CRACD: variants seen among roughly 807,000 people sequenced by gnomAD.
The protein encoded by CRACD is capping protein-inhibiting regulator of actin dynamics.
In CRACD, 56 loss-of-function variants were observed where a neutral mutation model predicts 106.8. The observed-to-expected ratio is 0.52, with a 90% CI of 0.42 to 0.66. The LOEUF is 0.66. Ranked by LOEUF, CRACD falls within the 30% of genes least tolerant of loss-of-function variation. CRACD has a pLI of 0.00. For synonymous variants in CRACD, 754 were observed against 670.8 expected (o/e 1.12, Z -1.92); for missense variants, 1,730 against 1,623.2 (o/e 1.07, Z -1.13).
At chr4:56,187,953 T>C (rs1032404343) in intron 2 of CRACD, among the ~76,000 whole-genome samples, 3 of 152,160 alleles carry the variant, frequency 2.0e-5, no homozygotes, top group African/African-American at 7.2e-5. Flanking sequence ...GCACACAGAT[T>C]AAGTGTTAAG....
intron 2 of CRACD, among the ~76,000 whole-genome samples, chr4:56,224,148 A>ATT (rs56275149): frequency 2.7e-5 from 4 of 149,932 alleles, no homozygotes; most frequent in East Asian, 1.9e-4. Flanking sequence ...TTTCTTCGCT[A>ATT]TTTTTTTTTA....
chr4:56,199,698 A>G lies in CRACD; in HGVS notation c.-189+20268A>G, dbSNP rs200590961. 3.4e-5 allele frequency among the ~76,000 whole-genome samples: 4 copies of G among 118,058 alleles called. No individual in the cohort carries two copies. In the East Asian group the frequency reaches 3.8e-3, roughly 111 times the overall value. The allele number at this position is 118,058 out of a possible 152,430, so 77.5% of individuals were successfully genotyped here. ...CTCCGTCTCAAAAAAAAAAAAGAAA[A>G]GAAAAAAAAAGAAAAAGAGAACCTA... On this transcript the variant is annotated intron_variant, in intron 2 of 10. Transcript: ENST00000682029.
intron 1 of CRACD, among the ~76,000 whole-genome samples, chr4:56,070,847 C>CTGTGTGTGTGTGTGTGTG (rs60372588): frequency 0.042 from 5,112 of 120,326 alleles, 327 homozygotes; most frequent in Middle Eastern, 0.054. Flanking sequence ...AGGGGCTATG[C>CTGTGTGTGTGTGTGTGTG]TGTGTGTGTG....
intron 3 of CRACD, among the ~76,000 whole-genome samples, chr4:56,275,552 A>G (rs1742628855): frequency 2.0e-5 from 3 of 152,266 alleles, no homozygotes; most frequent in Admixed American, 2.0e-4. Flanking sequence ...CCTACAAAGT[A>G]AATACTACAT....
intron 3 of CRACD, among the ~76,000 whole-genome samples, chr4:56,293,940 CAGGT>C: frequency 6.6e-6 from 1 of 152,044 alleles, no homozygotes; most frequent in South Asian, 2.1e-4. Context: ...TTCAGGTGTT[CAGGT>C]GTTCAGGTGT....
intron 1 of CRACD, among the ~76,000 whole-genome samples, chr4:56,085,510 G>A (rs950111510): frequency 2.6e-5 from 4 of 152,310 alleles, no homozygotes; most frequent in Admixed American, 2.6e-4. Context: ...GCCTTACTGG[G>A]CAGCAGAGTC....
At chr4:56,146,525 C>T (rs571900484) in intron 1 of CRACD, among the ~76,000 whole-genome samples, 2 of 150,850 alleles carry the variant, frequency 1.3e-5, no homozygotes, top group East Asian at 2.0e-4. Flanking sequence ...CCCATTAACT[C>T]GTCATTTAGC....
intron 2 of CRACD, among the ~76,000 whole-genome samples, chr4:56,188,736 G>GAGAGAGAGAGA (rs746010336): frequency 6.5e-5 from 8 of 122,770 alleles, no homozygotes; most frequent in Non-Finnish European, 1.4e-4. Flanking sequence ...AGAGAGAGAG[G>GAGAGAGAGAGA]GGTTAACATT....
At chr4:56,273,327 T>TCCTC (rs1742476301) in intron 3 of CRACD, among the ~76,000 whole-genome samples, 1 of 151,514 alleles carries the variant, frequency 6.6e-6, no homozygotes, top group African/African-American at 2.4e-5. Flanking sequence ...CTTCCTTCCT[T>TCCTC]CCTTCCTCCC....
In CRACD at chr4:56,323,706, C is replaced by G. The variant is rs1197349199; in HGVS notation, c.3378+139C>G. ...GCCAAGCAGTAAATAAACTGACCAC[C>G]ATTAAACCAGGGAAGCGTTTTCAGT... is the stretch of plus-strand genomic sequence containing the variant. On this transcript the variant is annotated intron_variant, in intron 9 of 10. Transcript: ENST00000682029. 3.6e-6 allele frequency: 3 copies of G among 824,030 alleles called. No individual in the cohort carries two copies. The Admixed American group carries it at 1.0e-4, about 28-fold the overall frequency. 51.0% of individuals were successfully genotyped at this position (824,030 alleles called of 1,614,324 possible). A position where few individuals can be genotyped will look rare whatever the true frequency, so the allele number is the denominator to read the frequency against.
At chr4:56,264,561 G>C (rs534565552) in intron 2 of CRACD, among the ~76,000 whole-genome samples, 81 of 152,284 alleles carry the variant, frequency 5.3e-4, no homozygotes, top group Admixed American at 4.4e-3. Flanking sequence ...CTCACCATCT[G>C]TTCAGGGATC....
intron 1 of CRACD, among the ~76,000 whole-genome samples, chr4:56,069,198 T>C (rs1732555557): frequency 6.6e-6 from 1 of 152,194 alleles, no homozygotes; most frequent in Admixed American, 6.5e-5. Flanking sequence ...TGTGAGAGAA[T>C]AAGCTTGTGT....
At chr4:56,163,698 C>T (rs186686107) in intron 1 of CRACD, among the ~76,000 whole-genome samples, 3 of 152,118 alleles carry the variant, frequency 2.0e-5, no homozygotes, top group East Asian at 1.9e-4. Flanking sequence ...TACAAATCCA[C>T]GATATCTTCC....
intron 1 of CRACD, among the ~76,000 whole-genome samples, chr4:56,094,365 A>C (rs980298453): frequency 3.3e-5 from 5 of 151,676 alleles, no homozygotes; most frequent in African/African-American, 1.2e-4. Flanking sequence ...ACTAGAAAGA[A>C]TTCATAAAAT....
chr4:56,102,687 C>G (rs1436010360), intron 1 of CRACD, among the ~76,000 whole-genome samples: 1 of 152,184 alleles, frequency 6.6e-6, no homozygotes, highest in Admixed American at 6.5e-5. Flanking sequence ...GTTTAAAACC[C>G]TTCTGGGTTT....
intron 2 of CRACD, among the ~76,000 whole-genome samples, chr4:56,185,673 G>T (rs1447829106): frequency 6.6e-6 from 1 of 152,168 alleles, no homozygotes; most frequent in African/African-American, 2.4e-5. Context: ...TAGCAGTTTA[G>T]AATTTAGTTA....
At chr4:56,119,510 T>TG (rs1734410876) in intron 1 of CRACD, among the ~76,000 whole-genome samples, 1 of 151,866 alleles carries the variant, frequency 6.6e-6, no homozygotes, top group South Asian at 2.1e-4. Context: ...TTTGTATTTT[T>TG]TTTTTGTAGA....
chr4:56,242,127 T>G (rs1740401393), intron 2 of CRACD, among the ~76,000 whole-genome samples: 1 of 152,108 alleles, frequency 6.6e-6, no homozygotes. Flanking sequence ...GCAAAGAAAT[T>G]CTGTACAGAT....
At chr4:56,254,397 GGTTT>G (rs1283114769) in intron 2 of CRACD, among the ~76,000 whole-genome samples, 5 of 93,260 alleles carry the variant, frequency 5.4e-5, no homozygotes, top group South Asian at 3.6e-4. Context: ...GTTTTGTGGG[GGTTT>G]TTTTTTTTTT....
Sources: allele counts gnomAD v4.1 joint callset (sites outside exome capture counted in the v4.1 genomes callset), GRCh38; gene constraint gnomAD v4.1.1; transcripts MANE v1.5; gene names NCBI Gene and HGNC (gene_info 2026-07-23, HGNC 2026-07-21).